The following IMMP2L variants were observed in gnomAD, a reference collection of about 807,000 sequenced individuals.
IMMP2L encodes inner mitochondrial membrane peptidase subunit 2.
Under a neutral mutation model 19.3 loss-of-function variants are expected in IMMP2L, and 18 were observed. The ratio of observed to expected loss-of-function variants is 0.93; its 90% CI spans 0.64 to 1.38. The LOEUF is 1.38. Among genes scored for constraint, IMMP2L ranks in the 40% most tolerant of loss-of-function variants. The pLI, the probability that IMMP2L is intolerant of heterozygous loss-of-function variation, is 0.00. For synonymous variants in IMMP2L, 76 were observed against 73.0 expected (o/e 1.04, Z -0.21); for missense variants, 233 against 218.2 (o/e 1.07, Z -0.43).
At chr7:110,915,107 T>C (rs907010835) in intron 4 of IMMP2L, among the ~76,000 whole-genome samples, 6 of 152,088 alleles carry the variant, frequency 3.9e-5, no homozygotes, top group African/African-American at 7.2e-5. Flanking sequence ...CCAAAGGAAA[T>C]GAAAACAGTA....
intron 3 of IMMP2L, among the ~76,000 whole-genome samples, chr7:111,151,192 A>C (rs1290017544): frequency 6.6e-6 from 1 of 152,222 alleles, no homozygotes; most frequent in Non-Finnish European, 1.5e-5. Context: ...CATTTGTTGA[A>C]CTTAAATAGT....
intron 3 of IMMP2L, among the ~76,000 whole-genome samples, chr7:111,257,770 CCTTTTT>C (rs913290729): frequency 1.8e-4 from 28 of 152,036 alleles, no homozygotes; most frequent in Admixed American, 1.8e-3. Context: ...CTTTTAAACA[CCTTTTT>C]CTTTTTCTTT....
chr7:111,399,459 T>C (rs1042607408), intron 3 of IMMP2L, among the ~76,000 whole-genome samples: 6 of 152,032 alleles, frequency 3.9e-5, no homozygotes, highest in Non-Finnish European at 8.8e-5. Flanking sequence ...CCTCCCAGAT[T>C]CAAGTGTGCT....
At chr7:110,845,733 G>A (rs1805588516) in intron 5 of IMMP2L, among the ~76,000 whole-genome samples, 1 of 152,028 alleles carries the variant, frequency 6.6e-6, no homozygotes, top group Non-Finnish European at 1.5e-5. Context: ...CATTGCTATG[G>A]TCTAAGTGTT....
intron 5 of IMMP2L, among the ~76,000 whole-genome samples, chr7:110,748,843 A>G (rs1029703311): frequency 6.6e-6 from 1 of 152,174 alleles, no homozygotes; most frequent in Non-Finnish European, 1.5e-5. Context: ...GCATGGGCAA[A>G]GACTTCATGA....
At chr7:111,266,283 C>G (rs1334980522) in intron 3 of IMMP2L, among the ~76,000 whole-genome samples, 2 of 152,094 alleles carry the variant, frequency 1.3e-5, no homozygotes, top group African/African-American at 4.8e-5. Flanking sequence ...TGGCTCACAC[C>G]TGTAATCCCA....
intron 3 of IMMP2L, among the ~76,000 whole-genome samples, chr7:111,148,200 T>C (rs1803688155): frequency 6.6e-6 from 1 of 152,096 alleles, no homozygotes; most frequent in Non-Finnish European, 1.5e-5. Flanking sequence ...TTCTGATACA[T>C]GCTAAAATAT....
chr7:110,783,145 A>C (rs1184861603), intron 5 of IMMP2L, among the ~76,000 whole-genome samples: 2 of 151,904 alleles, frequency 1.3e-5, no homozygotes, highest in African/African-American at 4.8e-5. Context: ...TAATTAGCTT[A>C]AACTCAGCTA....
At chr7:110,723,350 C>G (rs1403778858) in intron 5 of IMMP2L, among the ~76,000 whole-genome samples, 2 of 152,192 alleles carry the variant, frequency 1.3e-5, no homozygotes, top group Non-Finnish European at 2.9e-5. Flanking sequence ...AAAATCCTGA[C>G]CCAAGCTTTT....
chr7:111,182,573 G>T (rs1807824407), intron 3 of IMMP2L, among the ~76,000 whole-genome samples: 1 of 151,938 alleles, frequency 6.6e-6, no homozygotes. Context: ...ATTGAAAAAT[G>T]AGAATTAGAA....
chr7:111,338,334 C>CT (rs946402225), intron 3 of IMMP2L, among the ~76,000 whole-genome samples: 22 of 151,892 alleles, frequency 1.4e-4, no homozygotes, highest in Non-Finnish European at 2.2e-4. Flanking sequence ...TCCTCCCCCC[C>CT]TTTTTTTGCT....
chr7:111,368,493 G>A (rs901581502), intron 3 of IMMP2L, among the ~76,000 whole-genome samples: 7 of 151,772 alleles, frequency 4.6e-5, no homozygotes, highest in Non-Finnish European at 4.4e-5. Context: ...GTTTATTTAC[G>A]CCAGCAACAC....
chr7:110,817,602 G>GA lies in IMMP2L; in HGVS notation c.408+68990dup, dbSNP rs552907077. 2.7e-3 allele frequency among the ~76,000 whole-genome samples: 409 copies of GA among 152,074 alleles called. 4 individuals are homozygous for GA. Among genetic ancestry groups the GA allele is most frequent in the African/African-American group, 9.3e-3 (384 of 41,484 alleles). Reference sequence around the variant, plus strand: ...ACCAATGACTTTCTTCACAGAATTGGAAAAAACTACTTTAAAGTTCATATG... The same window carrying GA: ...ACCAATGACTTTCTTCACAGAATTGGAAAAAAACTACTTTAAAGTTCATATG... On this transcript the variant is annotated intron_variant, in intron 5 of 5. Coordinates refer to ENST00000405709, the MANE Select transcript of IMMP2L (RefSeq NM_032549.4).
intron 1 of IMMP2L, among the ~76,000 whole-genome samples, chr7:111,546,465 T>G (rs1163494647): frequency 2.0e-5 from 3 of 152,190 alleles, no homozygotes; most frequent in Admixed American, 1.3e-4. Context: ...TTCTATCCAA[T>G]TGTTGGTCTT....
chr7:111,076,783 C>A (rs117677570), intron 3 of IMMP2L, among the ~76,000 whole-genome samples: 2 of 152,162 alleles, frequency 1.3e-5, no homozygotes, highest in Non-Finnish European at 1.5e-5. Context: ...ACTTAATGCA[C>A]CTACCCATCT....
intron 2 of IMMP2L, among the ~76,000 whole-genome samples, chr7:111,508,539 G>A (rs1376187838): frequency 6.6e-6 from 1 of 152,140 alleles, no homozygotes; most frequent in Non-Finnish European, 1.5e-5. Context: ...AAAGCTTTCA[G>A]CCAAGAGAGG....
intron 3 of IMMP2L, among the ~76,000 whole-genome samples, chr7:111,009,982 G>A (rs1481238784): frequency 6.6e-6 from 1 of 152,080 alleles, no homozygotes. Context: ...CTCCGTGTCA[G>A]TGTCCCTGCT....
intron 3 of IMMP2L, among the ~76,000 whole-genome samples, chr7:110,991,874 C>T (rs959861192): frequency 1.3e-5 from 2 of 152,124 alleles, no homozygotes; most frequent in South Asian, 2.1e-4. Context: ...TTGACCTACT[C>T]GACTCCAAAT....
intron 5 of IMMP2L, among the ~76,000 whole-genome samples, chr7:110,864,049 A>G (rs1807728166): frequency 6.6e-6 from 1 of 152,146 alleles, no homozygotes; most frequent in Admixed American, 6.6e-5. Flanking sequence ...ATATTTAGAA[A>G]AAGATAGTTA....
Sources: gnomAD v4.1 joint callset for allele counts (sites outside exome capture counted in the v4.1 genomes callset) on GRCh38, gnomAD v4.1.1 for gene constraint, MANE v1.5 for transcripts, NCBI Gene and HGNC (gene_info 2026-07-23, HGNC 2026-07-21) for gene names.